Variants in SNX29 observed in about 807,000 individuals in gnomAD.
SNX29 encodes sorting nexin-29.
SNX29 carries 78 observed loss-of-function variants against 102.1 expected under a neutral mutation model. That is an observed-to-expected ratio of 0.76 (90% CI 0.64 to 0.92). The LOEUF is 0.92. SNX29 is among the 40% of genes least tolerant of loss of function. The pLI, the probability that SNX29 is intolerant of heterozygous loss-of-function variation, is 0.00. For missense variants in SNX29, 1,280 were observed against 1,061.7 expected, an observed-to-expected ratio of 1.21 and a Z score of -2.86; for synonymous variants, 580 against 414.5, an observed-to-expected ratio of 1.40 and a Z score of -4.85.
chr16:12,093,380 C>G lies in SNX29; in HGVS notation c.1402+14465C>G, dbSNP rs148628348. On this transcript the variant is annotated intron_variant, in intron 11 of 20. Transcript: ENST00000566228. ...ATCCCAACACTTTGGGAGGACAAGG[C>G]AGGAGGATTGCTTGAGGCCAGGAGT... Among the ~76,000 whole-genome samples, 445 of 152,274 alleles carry G rather than the reference C, an allele frequency of 2.9e-3. 5 individuals are homozygous for G. Among genetic ancestry groups the G allele is most frequent in the African/African-American group, 9.9e-3 (410 of 41,542 alleles).
intron 14 of SNX29, among the ~76,000 whole-genome samples, chr16:12,215,865 G>A (rs1205172541): frequency 6.6e-6 from 1 of 152,184 alleles, no homozygotes; most frequent in African/African-American, 2.4e-5. Context: ...GCCCTCATTT[G>A]CATCTGGCTG....
chr16:12,534,433 T>C (rs2141194488), intron 20 of SNX29, among the ~76,000 whole-genome samples: 1 of 152,348 alleles, frequency 6.6e-6, no homozygotes, highest in East Asian at 1.9e-4. Context: ...TGCACTCGGT[T>C]GCCTGTAGAA....
chr16:12,429,353 T>C (rs557631396), intron 18 of SNX29, among the ~76,000 whole-genome samples: 1 of 152,376 alleles, frequency 6.6e-6, no homozygotes, highest in South Asian at 2.1e-4. Context: ...GATATCTCCT[T>C]CTAGCTTTTC....
intron 2 of SNX29, 112 bp from the exon 3 acceptor site, chr16:12,002,879 G>A: frequency 8.4e-7 from 1 of 1,196,728 alleles, no homozygotes; most frequent in Admixed American, 2.0e-5. Context: ...GGCATGCAGA[G>A]CTTCTGGTCC....
At chr16:12,091,256 C>T (rs1013113041) in intron 11 of SNX29, among the ~76,000 whole-genome samples, 3 of 151,990 alleles carry the variant, frequency 2.0e-5, no homozygotes, top group African/African-American at 4.8e-5. Context: ...GGTTCACACC[C>T]GCTCCCCCTC....
At chr16:12,195,925 T>A (rs2076761305) in intron 13 of SNX29, among the ~76,000 whole-genome samples, 1 of 151,946 alleles carries the variant, frequency 6.6e-6, no homozygotes, top group East Asian at 1.9e-4. Flanking sequence ...TGGCTCTGCC[T>A]TTGCTGGTTG....
chr16:12,429,321 A>G (rs1005481627), intron 18 of SNX29, among the ~76,000 whole-genome samples: 10 of 152,246 alleles, frequency 6.6e-5, no homozygotes, highest in African/African-American at 1.7e-4. Flanking sequence ...GTTAATCCCA[A>G]CACATAGATA....
chr16:12,508,829 C>A (rs1454977811), intron 19 of SNX29, among the ~76,000 whole-genome samples: 2 of 152,180 alleles, frequency 1.3e-5, no homozygotes, highest in African/African-American at 4.8e-5. Context: ...CAGCCATGTC[C>A]TACCCTGAGG....
intron 5 of SNX29, among the ~76,000 whole-genome samples, chr16:12,043,844 C>G (rs2151184985): frequency 6.6e-6 from 1 of 152,282 alleles, no homozygotes; most frequent in African/African-American, 2.4e-5. Flanking sequence ...ACCTCCGTCT[C>G]CTAGTTCGAG....
chr16:12,536,590 A>G (rs2077088756), intron 20 of SNX29, among the ~76,000 whole-genome samples: 1 of 152,218 alleles, frequency 6.6e-6, no homozygotes, highest in Admixed American at 6.5e-5. Context: ...CACCTAGCAC[A>G]GAGAACGCAC....
intron 16 of SNX29, among the ~76,000 whole-genome samples, chr16:12,364,077 C>G (rs2082381449): frequency 1.3e-5 from 2 of 152,116 alleles, no homozygotes; most frequent in African/African-American, 4.8e-5. Context: ...GGTGTAACCT[C>G]AAACTCCTAG....
At chr16:12,290,143 T>A (rs1420682196) in intron 15 of SNX29, among the ~76,000 whole-genome samples, 8 of 152,168 alleles carry the variant, frequency 5.3e-5, no homozygotes, top group Non-Finnish European at 1.2e-4. Context: ...TACCAGTGGC[T>A]CACTTTAGCA....
intron 20 of SNX29, among the ~76,000 whole-genome samples, chr16:12,539,556 C>T (rs891192976): frequency 2.0e-5 from 3 of 152,338 alleles, no homozygotes; most frequent in East Asian, 1.9e-4. Flanking sequence ...CATTCAAGTG[C>T]AGCTTTTTGT....
intron 15 of SNX29, among the ~76,000 whole-genome samples, chr16:12,280,386 G>A (rs2079393604): frequency 6.6e-6 from 1 of 152,202 alleles, no homozygotes; most frequent in African/African-American, 2.4e-5. Context: ...AGGTCATGTG[G>A]GGAGTTACTG....
intron 14 of SNX29, among the ~76,000 whole-genome samples, chr16:12,255,532 C>G (rs981405976): frequency 2.0e-5 from 3 of 152,152 alleles, no homozygotes; most frequent in Non-Finnish European, 4.4e-5. Context: ...CCAGCATCCC[C>G]CCATCTCTCC....
chr16:12,560,370 T>C (rs1443988519), intron 20 of SNX29, among the ~76,000 whole-genome samples: 1 of 152,178 alleles, frequency 6.6e-6, no homozygotes, highest in Non-Finnish European at 1.5e-5. Flanking sequence ...TGACAGGTTG[T>C]GCGCTCAGTA....
At chr16:12,151,502 T>C (rs531833305) in intron 13 of SNX29, among the ~76,000 whole-genome samples, 23 of 152,322 alleles carry the variant, frequency 1.5e-4, no homozygotes, top group African/African-American at 5.5e-4. Context: ...TTCCCTGGCC[T>C]GCATGTTCTG....
chr16:12,004,873 G>A (rs900360927), intron 3 of SNX29, among the ~76,000 whole-genome samples: 2 of 152,102 alleles, frequency 1.3e-5, no homozygotes, highest in Admixed American at 6.6e-5. Context: ...ATATACATTC[G>A]GCTTTTTAAT....
intron 18 of SNX29, among the ~76,000 whole-genome samples, chr16:12,433,402 G>T (rs1254406532): frequency 6.6e-6 from 1 of 152,072 alleles, no homozygotes; most frequent in African/African-American, 2.4e-5. Context: ...AGGCTGAGGT[G>T]GGTGGACCAC....
Sources: gnomAD v4.1 joint callset for allele counts (sites outside exome capture counted in the v4.1 genomes callset) on GRCh38, gnomAD v4.1.1 for gene constraint, MANE v1.5 for transcripts, NCBI Gene and HGNC (gene_info 2026-07-23, HGNC 2026-07-21) for gene names.